The following ABCD3 variants were observed in gnomAD, a reference collection of about 807,000 sequenced individuals.
ABCD3 encodes the protein ATP-binding cassette sub-family D member 3.
A neutral mutation model predicts 105.5 loss-of-function variants in ABCD3; 41 were observed. The ratio of observed to expected loss-of-function variants is 0.39; its 90% CI spans 0.30 to 0.50. The LOEUF is 0.50. Ranked by LOEUF, ABCD3 falls within the 20% of genes least tolerant of loss-of-function variation. The pLI is 0.84. For synonymous variants in ABCD3, 258 were observed against 269.0 expected (o/e 0.96, Z 0.40); for missense variants, 622 against 806.3 (o/e 0.77, Z 2.77).
chr1:94,434,079 T>C (rs1659800004), intron 1 of ABCD3, among the ~76,000 whole-genome samples: 1 of 152,200 alleles, frequency 6.6e-6, no homozygotes, highest in African/African-American at 2.4e-5. Flanking sequence ...GGGTGAATCA[T>C]TGAGTGAGTT....
rs867712472 is a variant in ABCD3 at position 94,507,579 on chromosome 1, A to G, written c.1845+937A>G. 7.0e-3 allele frequency among the ~76,000 whole-genome samples: 1,068 copies of G among 151,992 alleles called. 22 individuals are homozygous for G. The highest frequency in any genetic ancestry group is 0.024 in the African/African-American group (996 of 41,520). ...AGGAATCGCCACACTGACTTCCACA[A>G]TGGTTGAACTAGTTTACAGTCCCAC... is the stretch of plus-strand genomic sequence containing the variant. On this transcript the variant is annotated intron_variant, in intron 21 of 22. Transcript: ENST00000370214.
At chr1:94,508,175 G>A (rs1257348043) in intron 21 of ABCD3, among the ~76,000 whole-genome samples, 1 of 152,180 alleles carries the variant, frequency 6.6e-6, no homozygotes, top group Admixed American at 6.5e-5. Context: ...TGTATAAGAT[G>A]TAAGGAAGGG....
chr1:94,478,360 A>ATT, intron 8 of ABCD3, 45 bp downstream of exon 8: 1 of 1,432,216 alleles, frequency 7.0e-7, no homozygotes. Context: ...ATAATATAAT[A>ATT]TTTGAAATAC....
chr1:94,433,498 T>TA (rs1282388392), intron 1 of ABCD3, among the ~76,000 whole-genome samples: 3 of 152,038 alleles, frequency 2.0e-5, no homozygotes, highest in Non-Finnish European at 4.4e-5. Context: ...AGAGTGCACT[T>TA]ATACAAACAT....
chr1:94,456,716 G>A (rs1307666037), intron 1 of ABCD3, among the ~76,000 whole-genome samples: 1 of 151,992 alleles, frequency 6.6e-6, no homozygotes, highest in East Asian at 1.9e-4. Context: ...ACGTGAGAGT[G>A]CAGATACCTC....
upstream of ABCD3, among the ~76,000 whole-genome samples, chr1:94,415,608 C>T (rs1383540190): frequency 1.3e-5 from 2 of 152,154 alleles, no homozygotes; most frequent in Admixed American, 6.5e-5. Flanking sequence ...CTTTGAGTCA[C>T]TTAGAGTTAC....
chr1:94,471,298 C>G (rs1261499627), intron 4 of ABCD3, among the ~76,000 whole-genome samples: 1 of 151,902 alleles, frequency 6.6e-6, no homozygotes, highest in African/African-American at 2.4e-5. Context: ...TGGCTCATAC[C>G]TGTAATCCCA....
chr1:94,408,384 A>G, the ABCD3 span, among the ~76,000 whole-genome samples: 3 of 151,568 alleles, frequency 2.0e-5, no homozygotes, highest in Non-Finnish European at 4.4e-5. Flanking sequence ...GGAGTTTAAG[A>G]CCAGCTTGGC....
At chr1:94,460,987 A>G (rs1647841103) in intron 2 of ABCD3, among the ~76,000 whole-genome samples, 1 of 152,076 alleles carries the variant, frequency 6.6e-6, no homozygotes. Flanking sequence ...ATTTTTCTGT[A>G]CAATATTTTA....
At chr1:94,386,781 A>G in the ABCD3 span, among the ~76,000 whole-genome samples, 8 of 152,188 alleles carry the variant, frequency 5.3e-5, no homozygotes, top group East Asian at 7.7e-4. Flanking sequence ...CTTGAACCCA[A>G]GAGGCGGAGG....
At chr1:94,463,449 A>G (rs930334940) in intron 2 of ABCD3, among the ~76,000 whole-genome samples, 5 of 152,192 alleles carry the variant, frequency 3.3e-5, no homozygotes, top group Non-Finnish European at 7.4e-5. Flanking sequence ...TCATCAAGTT[A>G]GATATTTATT....
At chr1:94,501,862 C>T (rs1350025191) in intron 20 of ABCD3, among the ~76,000 whole-genome samples, 1 of 147,888 alleles carries the variant, frequency 6.8e-6, no homozygotes, top group South Asian at 2.2e-4. Context: ...TTTTTTAATC[C>T]ATTTTTGTAA....
At chr1:94,439,512 T>C (rs1660056868) in intron 1 of ABCD3, among the ~76,000 whole-genome samples, 1 of 152,114 alleles carries the variant, frequency 6.6e-6, no homozygotes, top group South Asian at 2.1e-4. Context: ...TGTGGTGGCA[T>C]GTGCATGTGG....
the ABCD3 span, among the ~76,000 whole-genome samples, chr1:94,385,355 C>T: frequency 8.1e-3 from 1,237 of 152,216 alleles, 18 homozygotes; most frequent in African/African-American, 0.029. Context: ...GATTTTACAA[C>T]ATGTGAGGAG....
chr1:94,500,984 A>G (rs1179623665), intron 20 of ABCD3, among the ~76,000 whole-genome samples: 2 of 152,184 alleles, frequency 1.3e-5, no homozygotes, highest in Non-Finnish European at 2.9e-5. Context: ...TTTCTGTACT[A>G]TGTCTTCAGA....
At position 94,466,713 on chromosome 1, in the gene ABCD3, C is replaced by A. The variant is rs1243043067; in HGVS notation, c.247-1206C>A. Among the ~76,000 whole-genome samples, 4 of 152,308 alleles carry A rather than the reference C, an allele frequency of 2.6e-5. No individual in the cohort carries two copies. In the South Asian group the frequency reaches 8.3e-4, roughly 32 times the overall value. Reference sequence around the variant, plus strand: ...CTTTGAAGAATCCTTATTTAAAATACAAGCTTCTCTGGAAAGATGCATATG... The same window carrying A: ...CTTTGAAGAATCCTTATTTAAAATAAAAGCTTCTCTGGAAAGATGCATATG... On this transcript the variant is annotated intron_variant, in intron 3 of 22. Coordinates refer to ENST00000370214, the MANE Select transcript of ABCD3 (RefSeq NM_002858.4).
chr1:94,402,487 A>G, the ABCD3 span, among the ~76,000 whole-genome samples: 6 of 152,156 alleles, frequency 3.9e-5, no homozygotes, highest in African/African-American at 1.4e-4. Context: ...ACTCCTAAGA[A>G]GTTGAGTGTA....
In ABCD3 at chr1:94,517,102, A is replaced by G; in HGVS notation, c.1953A>G (p.Thr651=). The G allele has an allele frequency of 6.2e-7, 1 of 1,610,784 alleles. No individual in the cohort carries two copies. The highest frequency in any genetic ancestry group is 8.5e-7 in the Non-Finnish European group (1 of 1,177,408). The change falls in exon 23 of 23, where the codon ACA becomes ACG. Residue 651 remains threonine, a synonymous_variant. Transcript: ENST00000370214. ...GCAACTATGAATTCAAACAGATAACAGAAGATACAGTTGAGTTTGGCTCTT... is the reference window on the plus strand; with the variant it reads ...GCAACTATGAATTCAAACAGATAACGGAAGATACAGTTGAGTTTGGCTCTT... ...GRGNYEFKQI[T]EDTVEFGS is the part of the protein sequence containing the mutation.
intron 8 of ABCD3, chr1:94,478,673 G>T: frequency 3.3e-6 from 3 of 909,176 alleles, no homozygotes; most frequent in Non-Finnish European, 4.7e-6. Context: ...CAAAAAGCGA[G>T]ACCCGCTTCT....
Sources: allele counts gnomAD v4.1 joint callset (sites outside exome capture counted in the v4.1 genomes callset), GRCh38; gene constraint gnomAD v4.1.1; transcripts MANE v1.5; gene names NCBI Gene and HGNC (gene_info 2026-07-23, HGNC 2026-07-21).